NXPH1: variants seen among roughly 807,000 people sequenced by gnomAD.
NXPH1 encodes the protein neurexophilin-1.
In NXPH1, 5 loss-of-function variants were observed where a neutral mutation model predicts 23.7. That is an observed-to-expected ratio of 0.21 (90% CI 0.11 to 0.44). The LOEUF (loss-of-function observed/expected upper bound fraction) is 0.44. NXPH1 is among the 20% of genes least tolerant of loss of function. NXPH1 has a pLI of 0.99. For synonymous variants in NXPH1, 144 were observed against 122.2 expected, an observed-to-expected ratio of 1.18 and a Z score of -1.18; for missense variants, 324 against 321.6, an observed-to-expected ratio of 1.01 and a Z score of -0.06.
At position 8,581,181 on chromosome 7, in the gene NXPH1, C is replaced by T. The variant is rs149589270; in HGVS notation, c.54+145414C>T. Among the ~76,000 whole-genome samples, 9 of 152,264 alleles carry T rather than the reference C, an allele frequency of 5.9e-5. 1 individual carries two copies. The highest frequency in any genetic ancestry group is 2.2e-4 in the African/African-American group (9 of 41,528). ...AGCCATTCTCTTTCTCATTCCTGTT[C>T]TTCCTTTTTTTAAAAATATATACTT... On this transcript the variant is annotated intron_variant, in intron 2 of 2. Transcript: ENST00000405863.
At chr7:8,471,469 G>C (rs11486888) in intron 2 of NXPH1, among the ~76,000 whole-genome samples, 1,906 of 152,196 alleles carry the variant, frequency 0.013, 33 homozygotes, top group African/African-American at 0.042. Context: ...TCTCAATTCT[G>C]CTACTTAAGA....
chr7:8,722,144 C>G (rs575797338), intron 2 of NXPH1, among the ~76,000 whole-genome samples: 2 of 146,864 alleles, frequency 1.4e-5, no homozygotes, highest in African/African-American at 5.0e-5. Flanking sequence ...TTGAAGTATG[C>G]GAAAAAAAAA....
intron 2 of NXPH1, among the ~76,000 whole-genome samples, chr7:8,634,376 G>C (rs1430643493): frequency 6.6e-6 from 1 of 152,160 alleles, no homozygotes; most frequent in African/African-American, 2.4e-5. Flanking sequence ...CCCCAGCCAT[G>C]TGGAACTGGG....
chr7:8,717,351 A>C (rs1209994207), intron 2 of NXPH1, among the ~76,000 whole-genome samples: 8 of 152,166 alleles, frequency 5.3e-5, no homozygotes, highest in Non-Finnish European at 8.8e-5. Context: ...TGTTTCCCCA[A>C]AGCAGAACAG....
intron 2 of NXPH1, among the ~76,000 whole-genome samples, chr7:8,578,967 C>G (rs1818810117): frequency 6.6e-6 from 1 of 152,112 alleles, no homozygotes; most frequent in Non-Finnish European, 1.5e-5. Flanking sequence ...TGAAAGAACT[C>G]AGGTATGGAT....
At chr7:8,500,545 T>A (rs1028398721) in intron 2 of NXPH1, among the ~76,000 whole-genome samples, 1 of 152,098 alleles carries the variant, frequency 6.6e-6, no homozygotes, top group African/African-American at 2.4e-5. Flanking sequence ...TGAAAATTCA[T>A]AACAGTGCCT....
chr7:8,696,765 C>T (rs1384093304), intron 2 of NXPH1, among the ~76,000 whole-genome samples: 1 of 147,652 alleles, frequency 6.8e-6, no homozygotes, highest in African/African-American at 2.5e-5. Context: ...GGCGTGAACC[C>T]GTGAGACGGA....
intron 2 of NXPH1, among the ~76,000 whole-genome samples, chr7:8,713,328 T>G (rs2115199407): frequency 6.6e-6 from 1 of 152,316 alleles, no homozygotes; most frequent in African/African-American, 2.4e-5. Flanking sequence ...TAAATTTATC[T>G]GATAGGATTC....
intron 2 of NXPH1, among the ~76,000 whole-genome samples, chr7:8,645,745 A>G (rs1820389080): frequency 6.6e-6 from 1 of 152,080 alleles, no homozygotes; most frequent in Non-Finnish European, 1.5e-5. Context: ...TCCATATGGA[A>G]TTGAGTTTTG....
chr7:8,683,639 T>C (rs1367023793), intron 2 of NXPH1, among the ~76,000 whole-genome samples: 2 of 152,226 alleles, frequency 1.3e-5, no homozygotes, highest in Non-Finnish European at 2.9e-5. Context: ...AAAAATAACC[T>C]ATTTTTTTCC....
At chr7:8,629,952 C>T (rs1053946765) in intron 2 of NXPH1, among the ~76,000 whole-genome samples, 14 of 152,052 alleles carry the variant, frequency 9.2e-5, no homozygotes, top group African/African-American at 3.4e-4. Flanking sequence ...TTATATATAG[C>T]TTTAAGTTCA....
intron 2 of NXPH1, among the ~76,000 whole-genome samples, chr7:8,519,601 C>T (rs1817737856): frequency 6.6e-6 from 1 of 152,144 alleles, no homozygotes; most frequent in African/African-American, 2.4e-5. Context: ...ATTGAATTGT[C>T]AGTTTTCCTA....
At chr7:8,657,980 A>T (rs1820608139) in intron 2 of NXPH1, among the ~76,000 whole-genome samples, 1 of 152,234 alleles carries the variant, frequency 6.6e-6, no homozygotes, top group African/African-American at 2.4e-5. Flanking sequence ...GTGAGCCGAG[A>T]TCGTGCCACT....
At chr7:8,489,860 C>T (rs1282034463) in intron 2 of NXPH1, among the ~76,000 whole-genome samples, 1 of 152,102 alleles carries the variant, frequency 6.6e-6, no homozygotes. Context: ...GAGAATTTCT[C>T]TGCATCTCAA....
intron 2 of NXPH1, among the ~76,000 whole-genome samples, chr7:8,660,013 A>T (rs934097767): frequency 2.0e-5 from 3 of 152,180 alleles, no homozygotes; most frequent in Admixed American, 1.3e-4. Flanking sequence ...ACTTAAGAGG[A>T]GCAGAATCCT....
chr7:8,450,216 G>A (rs10226330), intron 2 of NXPH1, among the ~76,000 whole-genome samples: 2,462 of 152,194 alleles, frequency 0.016, 77 homozygotes, highest in African/African-American at 0.056. Context: ...CTTCTAAGGG[G>A]GAAACCATAT....
At chr7:8,564,252 C>G (rs1562403829) in intron 2 of NXPH1, among the ~76,000 whole-genome samples, 1 of 151,738 alleles carries the variant, frequency 6.6e-6, no homozygotes, top group African/African-American at 2.4e-5. Context: ...CAGATTCAAG[C>G]CAATTGCAAA....
intron 2 of NXPH1, among the ~76,000 whole-genome samples, chr7:8,515,288 C>T (rs981513846): frequency 2.6e-5 from 4 of 152,010 alleles, no homozygotes; most frequent in Non-Finnish European, 4.4e-5. Flanking sequence ...GCATGTCCAC[C>T]AGTCTGTGTG....
chr7:8,645,619 T>C (rs1820386386), intron 2 of NXPH1, among the ~76,000 whole-genome samples: 1 of 151,978 alleles, frequency 6.6e-6, no homozygotes, highest in South Asian at 2.1e-4. Flanking sequence ...TTTTTACTTC[T>C]TCTAATGTTT....
Sources: allele counts gnomAD v4.1 joint callset (sites outside exome capture counted in the v4.1 genomes callset), GRCh38; gene constraint gnomAD v4.1.1; transcripts MANE v1.5; gene names NCBI Gene and HGNC (gene_info 2026-07-23, HGNC 2026-07-21).